Variants in MEGF10 observed in about 807,000 individuals in gnomAD.
The protein encoded by MEGF10 is multiple epidermal growth factor-like domains protein 10.
MEGF10 carries 86 observed loss-of-function variants against 147.5 expected under a neutral mutation model. The observed-to-expected ratio is 0.58, with a 90% CI of 0.49 to 0.70. The LOEUF (loss-of-function observed/expected upper bound fraction) is 0.70, where lower values mean the gene tolerates loss of function less well. Among genes scored for constraint, MEGF10 ranks in the 30% least tolerant of loss-of-function variants. MEGF10 has a pLI of 0.00. For synonymous variants in MEGF10, 478 were observed against 525.5 expected, an observed-to-expected ratio of 0.91 and a Z score of 1.24; for missense variants, 1,329 against 1,487.3, an observed-to-expected ratio of 0.89 and a Z score of 1.75.
At chr5:127,424,637 T>C in intron 13 of MEGF10, 2 of 1,159,066 alleles carry the variant, frequency 1.7e-6, no homozygotes, top group Non-Finnish European at 2.2e-6. Context: ...AGAGCTACCT[T>C]GGGAAACAGG....
At chr5:127,266,717 C>T in the MEGF10 span, among the ~76,000 whole-genome samples, 4 of 152,214 alleles carry the variant, frequency 2.6e-5, no homozygotes, top group Non-Finnish European at 4.4e-5. Context: ...ATTTAGCTCT[C>T]TGTTTGTCTG....
chr5:127,354,676 A>G (rs1762212431), intron 4 of MEGF10, among the ~76,000 whole-genome samples: 1 of 152,204 alleles, frequency 6.6e-6, no homozygotes, highest in Non-Finnish European at 1.5e-5. Flanking sequence ...TGAATCACAC[A>G]CCTGGCTAAA....
intron 4 of MEGF10, among the ~76,000 whole-genome samples, chr5:127,355,125 T>G (rs1762235489): frequency 1.3e-5 from 2 of 152,014 alleles, no homozygotes; most frequent in African/African-American, 4.8e-5. Context: ...GTGAGAAGAG[T>G]TAGCCTTCGG....
rs749479487 is a variant in MEGF10 at position 127,417,914 on chromosome 5, A to T, written c.1305+102A>T. The stretch of plus-strand genomic sequence containing the variant: ...TCCAGTGAAATACAGTGAATGTGCT[A>T]AAGTCATCCACATCATTAAAGAGAG... On this transcript the variant is annotated intron_variant, in intron 10 of 24. Transcript: ENST00000503335. The T allele has an allele frequency of 1.2e-4, 146 of 1,193,506 alleles. 1 individual carries two copies. In the Middle Eastern group the frequency reaches 1.4e-3, roughly 11 times the overall value. 73.9% of individuals were successfully genotyped at this position (1,193,506 alleles called of 1,614,324 possible).
chr5:127,427,316 A>T (rs1045099276), intron 13 of MEGF10, among the ~76,000 whole-genome samples: 72 of 152,308 alleles, frequency 4.7e-4, no homozygotes, highest in African/African-American at 1.7e-3. Flanking sequence ...GCAAATGAGA[A>T]GAGGTGGTTC....
chr5:127,430,403 C>T (rs935901111), intron 13 of MEGF10, among the ~76,000 whole-genome samples: 7 of 152,176 alleles, frequency 4.6e-5, no homozygotes, highest in Non-Finnish European at 8.8e-5. Context: ...ACTTACAACT[C>T]TTCATCCTGG....
In MEGF10 at chr5:127,459,754, A is replaced by C. The variant is rs1368576511; in HGVS notation, c.*2436A>C. 6.6e-6 allele frequency: 1 copy of C among 152,210 alleles called. No homozygotes were observed. The highest frequency in any genetic ancestry group is 1.5e-5 in the Non-Finnish European group (1 of 68,020). 9.4% of individuals were successfully genotyped at this position (152,210 alleles called of 1,614,324 possible). ...GCTGATGTCCTGAAATGACATTTGT[A>C]CCTGAGGCAATTCTTATTAGAGCTT... On this transcript the variant is annotated 3_prime_UTR_variant, in exon 25 of 25. Coordinates refer to ENST00000503335, the MANE Select transcript of MEGF10 (RefSeq NM_001256545.2).
intron 4 of MEGF10, among the ~76,000 whole-genome samples, chr5:127,346,490 G>C (rs548666088): frequency 2.0e-5 from 3 of 152,022 alleles, no homozygotes; most frequent in South Asian, 2.1e-4. Flanking sequence ...ATGTTTGTTG[G>C]CCATTTATAT....
intron 4 of MEGF10, among the ~76,000 whole-genome samples, chr5:127,355,225 G>A (rs1237823469): frequency 6.6e-6 from 1 of 152,080 alleles, no homozygotes; most frequent in Non-Finnish European, 1.5e-5. Flanking sequence ...ACCTCTTATT[G>A]GAGTTTGAGG....
chr5:127,400,733 C>T (rs1343102347), intron 7 of MEGF10, among the ~76,000 whole-genome samples: 1 of 152,192 alleles, frequency 6.6e-6, no homozygotes, highest in African/African-American at 2.4e-5. Flanking sequence ...ATGGTAACCA[C>T]AGGCTTGGGT....
At chr5:127,230,422 A>G in the MEGF10 span, among the ~76,000 whole-genome samples, 1 of 152,098 alleles carries the variant, frequency 6.6e-6, no homozygotes. Context: ...CCAAGCGGGA[A>G]GGCAGAGAGG....
chr5:127,230,373 A>G, the MEGF10 span, among the ~76,000 whole-genome samples: 6 of 152,126 alleles, frequency 3.9e-5, no homozygotes, highest in Non-Finnish European at 7.4e-5. Context: ...CCAGGCTTGA[A>G]GCTAACTGCA....
At chr5:127,445,132 A>G (rs1293212054) in intron 19 of MEGF10, 2 of 247,452 alleles carry the variant, frequency 8.1e-6, no homozygotes, top group East Asian at 8.8e-5. Flanking sequence ...GGGTCTTGCT[A>G]TGTTGGCCAG....
intron 6 of MEGF10, among the ~76,000 whole-genome samples, chr5:127,397,839 G>A (rs1405716909): frequency 3.9e-5 from 6 of 152,174 alleles, no homozygotes; most frequent in Non-Finnish European, 2.9e-5. Context: ...GTGGGTGGGT[G>A]AGGGAAGGGA....
intron 5 of MEGF10, among the ~76,000 whole-genome samples, chr5:127,373,218 C>T (rs1475542771): frequency 1.3e-5 from 2 of 152,104 alleles, no homozygotes; most frequent in Non-Finnish European, 2.9e-5. Context: ...AATGGCTGAT[C>T]TTGGCTCACT....
intron 5 of MEGF10, 126 bp from the exon 6 acceptor site, chr5:127,396,406 G>A (rs1050008509): frequency 1.7e-6 from 2 of 1,155,798 alleles, no homozygotes; most frequent in African/African-American, 3.1e-5. Flanking sequence ...CATGGGTTGG[G>A]GCCAGGGCCC....
chr5:127,453,509 G>T (rs1766233591), intron 22 of MEGF10, among the ~76,000 whole-genome samples: 1 of 152,172 alleles, frequency 6.6e-6, no homozygotes, highest in African/African-American at 2.4e-5. Flanking sequence ...CATATGCTCT[G>T]TTTCACTTAA....
chr5:127,424,504 T>G (rs969798445), intron 13 of MEGF10: 1 of 1,447,842 alleles, frequency 6.9e-7, no homozygotes, highest in Non-Finnish European at 9.0e-7. Flanking sequence ...TTCATAAACA[T>G]GGGATGTCAC....
At chr5:127,417,202 C>T (rs1764809105) in intron 9 of MEGF10, among the ~76,000 whole-genome samples, 1 of 152,154 alleles carries the variant, frequency 6.6e-6, no homozygotes, top group South Asian at 2.1e-4. Context: ...CTGCCAGCTA[C>T]CAGGTATAGG....
Sources: gnomAD v4.1 joint callset for allele counts (sites outside exome capture counted in the v4.1 genomes callset) on GRCh38, gnomAD v4.1.1 for gene constraint, MANE v1.5 for transcripts, NCBI Gene and HGNC (gene_info 2026-07-23, HGNC 2026-07-21) for gene names.